The following EPM2A variants were observed in gnomAD, a reference collection of about 807,000 sequenced individuals.
EPM2A encodes laforin.
EPM2A carries 21 observed loss-of-function variants against 26.5 expected under a neutral mutation model. The ratio of observed to expected loss-of-function variants is 0.79; its 90% CI spans 0.56 to 1.14. The LOEUF (loss-of-function observed/expected upper bound fraction) is 1.14, where lower values mean the gene tolerates loss of function less well. Among genes scored for constraint, EPM2A ranks in the 50% most tolerant of loss-of-function variants. The pLI is 0.00. For missense variants in EPM2A, 458 were observed against 440.8 expected, an observed-to-expected ratio of 1.04 and a Z score of -0.35; for synonymous variants, 217 against 177.6, an observed-to-expected ratio of 1.22 and a Z score of -1.76.
intron 2 of EPM2A, among the ~76,000 whole-genome samples, chr6:145,520,974 A>G (rs1346632833): frequency 6.6e-6 from 1 of 152,258 alleles, no homozygotes; most frequent in Admixed American, 6.5e-5. Flanking sequence ...TTAAATATAG[A>G]GAATTATTCC....
At chr6:145,586,041 C>T (rs1324167928) in intron 2 of EPM2A, among the ~76,000 whole-genome samples, 3 of 152,152 alleles carry the variant, frequency 2.0e-5, no homozygotes, top group African/African-American at 7.2e-5. Flanking sequence ...TAAACTCTAG[C>T]TCTTTTGGTC....
chr6:145,402,540 T>C (rs1640039997), intron 4 of EPM2A, among the ~76,000 whole-genome samples: 3 of 152,162 alleles, frequency 2.0e-5, no homozygotes, highest in African/African-American at 7.2e-5. Flanking sequence ...AGTACCAATA[T>C]TAATTTCCTG....
intron 1 of EPM2A, among the ~76,000 whole-genome samples, chr6:145,712,441 G>A (rs983013965): frequency 2.0e-5 from 3 of 152,014 alleles, no homozygotes; most frequent in Admixed American, 1.3e-4. Context: ...AGCTCCTGAC[G>A]CACTGCTTTG....
chr6:145,683,659 A>G (rs1214573719), intron 2 of EPM2A, among the ~76,000 whole-genome samples: 2 of 152,172 alleles, frequency 1.3e-5, no homozygotes, highest in African/African-American at 4.8e-5. Flanking sequence ...ATCAACTCAG[A>G]GAGCAAATTT....
At chr6:145,500,717 C>T (rs1358598563), downstream of EPM2A, among the ~76,000 whole-genome samples, 4 of 152,316 alleles carry the variant, frequency 2.6e-5, no homozygotes, top group African/African-American at 9.6e-5. Context: ...CAGATTCTTA[C>T]CTTCTATGAA....
intron 1 of EPM2A, among the ~76,000 whole-genome samples, chr6:145,704,576 C>T (rs924349007): frequency 6.6e-6 from 1 of 152,162 alleles, no homozygotes; most frequent in African/African-American, 2.4e-5. Context: ...GATTAAATGA[C>T]CTGACAGTCC....
At position 145,735,240 on chromosome 6, in the gene EPM2A, T is replaced by A; in HGVS notation, c.259A>T (p.Lys87Ter). ...CCTCCCGGCTCCCGCTTCAGGAACT[T>A]GTACCAGAACGTGTCCACGCGGCCC... The part of the protein sequence containing the change: ...EPGRVDTFWY[K>*]FLKREPGGEL... Residue 87 changes from lysine to a stop codon, truncating the protein, a stop_gained, in exon 1 of 4, where the codon AAG becomes TAG. Transcript: ENST00000367519. LOFTEE classifies it high-confidence loss of function. The A allele has an allele frequency of 1.3e-6, 2 of 1,539,850 alleles. No individual in the cohort carries two copies. The highest frequency in any genetic ancestry group is 2.4e-5 in the South Asian group (2 of 83,142).
At position 145,595,004 on chromosome 6, in the gene EPM2A, A is replaced by G. The variant is rs1056307099; in HGVS notation, c.340+40241T>C. 2.6e-5 allele frequency among the ~76,000 whole-genome samples: 4 copies of G among 151,904 alleles called. No individual in the cohort carries two copies. The East Asian group carries it at 7.7e-4, about 29-fold the overall frequency. On this transcript the variant is annotated intron_variant, in intron 2 of 3. Transcript: ENST00000450221. ...CTTAACTTTTAGTAGTTAAAAATCT[A>G]AATATTTAATTCATGGTATCAGACC... is the stretch of plus-strand genomic sequence containing the variant.
intron 1 of EPM2A, among the ~76,000 whole-genome samples, chr6:145,703,737 A>G (rs2128627129): frequency 6.6e-6 from 1 of 152,326 alleles, no homozygotes; most frequent in South Asian, 2.1e-4. Flanking sequence ...TATCAACAAA[A>G]GTCAGCAAGG....
rs569197092 is a variant in EPM2A, at chr6:145,550,513, A to G, written c.341-47938T>C. Among the ~76,000 whole-genome samples the G allele has an allele frequency of 2.6e-5, 4 of 152,130 alleles. No individual in the cohort carries two copies. In the East Asian group the frequency reaches 7.7e-4, roughly 29 times the overall value. On this transcript the variant is annotated intron_variant, in intron 2 of 3. Coordinates refer to the EPM2A transcript ENST00000450221. Reference sequence around the variant, plus strand: ...TAGACTCAATTATCAAATCCTCAGAAAGAAGAGGGAAAGTCTTTCTTCCCA... The same window carrying G: ...TAGACTCAATTATCAAATCCTCAGAGAGAAGAGGGAAAGTCTTTCTTCCCA...
At chr6:145,507,111 T>TA (rs1779987002) in intron 2 of EPM2A, among the ~76,000 whole-genome samples, 1 of 152,196 alleles carries the variant, frequency 6.6e-6, no homozygotes, top group East Asian at 1.9e-4. Context: ...AAATCACAAG[T>TA]AAAAAAATCA....
intron 4 of EPM2A, among the ~76,000 whole-genome samples, chr6:145,413,587 C>G (rs955810404): frequency 6.6e-6 from 1 of 151,964 alleles, no homozygotes; most frequent in Non-Finnish European, 1.5e-5. Flanking sequence ...TCAGGGTGAC[C>G]GTGCAATCAT....
intron 1 of EPM2A, among the ~76,000 whole-genome samples, chr6:145,689,638 A>C (rs1475344051): frequency 2.0e-5 from 3 of 152,250 alleles, no homozygotes; most frequent in Non-Finnish European, 4.4e-5. Flanking sequence ...AAGCCTAGCC[A>C]GACAGAAATC....
intron 2 of EPM2A, among the ~76,000 whole-genome samples, chr6:145,610,619 A>C (rs1354379886): frequency 2.6e-5 from 4 of 152,240 alleles, no homozygotes; most frequent in African/African-American, 9.6e-5. Context: ...GCATGTTTAC[A>C]GTTGTTCAAA....
At chr6:145,728,270 G>A (rs1359159973) in intron 1 of EPM2A, among the ~76,000 whole-genome samples, 1 of 152,230 alleles carries the variant, frequency 6.6e-6, no homozygotes, top group Admixed American at 6.5e-5. Context: ...AAATGTGGAA[G>A]CAGCTTTAGA....
intron 2 of EPM2A, among the ~76,000 whole-genome samples, chr6:145,674,798 T>A (rs958172051): frequency 2.0e-5 from 3 of 150,948 alleles, no homozygotes; most frequent in Non-Finnish European, 4.4e-5. Flanking sequence ...AAAGACCAAA[T>A]CTACATTTGA....
chr6:145,488,674 G>A (rs1180330221), intron 4 of EPM2A, among the ~76,000 whole-genome samples: 1 of 151,404 alleles, frequency 6.6e-6, no homozygotes, highest in African/African-American at 2.4e-5. Flanking sequence ...TTAAGGATTG[G>A]GGGAAAAGAT....
At chr6:145,719,885 A>C (rs1284661591) in intron 1 of EPM2A, among the ~76,000 whole-genome samples, 2 of 152,170 alleles carry the variant, frequency 1.3e-5, no homozygotes, top group African/African-American at 4.8e-5. Flanking sequence ...AAGGTGCAAA[A>C]GTAATAGAGA....
chr6:145,539,696 T>C lies in EPM2A; in HGVS notation c.341-37121A>G, dbSNP rs548220441. ...GTCCCAGTCCAAAGAAGAAACAAGA[T>C]AAAAAGTCAAACTTAATTGTATTAA... On this transcript the variant is annotated intron_variant, in intron 2 of 3. Transcript: ENST00000450221. Among the ~76,000 whole-genome samples, 5 of 152,328 alleles carry C rather than the reference T, an allele frequency of 3.3e-5. No individual in the cohort carries two copies. In the South Asian group the frequency reaches 1.0e-3, roughly 32 times the overall value.
Sources: allele counts gnomAD v4.1 joint callset (sites outside exome capture counted in the v4.1 genomes callset), GRCh38; gene constraint gnomAD v4.1.1; transcripts MANE v1.5; gene names NCBI Gene and HGNC (gene_info 2026-07-23, HGNC 2026-07-21).